DNAAF4: variants seen among roughly 807,000 people sequenced by gnomAD.
DNAAF4 encodes the protein dynein assembly factor 4, axonemal.
A neutral mutation model predicts 51.8 loss-of-function variants in DNAAF4; 43 were observed. The ratio of observed to expected loss-of-function variants is 0.83; its 90% CI spans 0.65 to 1.07. The LOEUF is 1.07. DNAAF4 is among the 50% of genes least tolerant of loss of function. The pLI is 0.00. For synonymous variants in DNAAF4, 194 were observed against 165.6 expected, an observed-to-expected ratio of 1.17 and a Z score of -1.32; for missense variants, 581 against 493.0, an observed-to-expected ratio of 1.18 and a Z score of -1.69.
At position 55,443,262 on chromosome 15, in the gene DNAAF4, G is replaced by A. The variant is rs562429514; in HGVS notation, c.784-3681C>T. 313 of 1,587,068 alleles carry A rather than the reference G, an allele frequency of 2.0e-4. 2 individuals are homozygous for A. The highest frequency in any genetic ancestry group is 1.0e-3 in the Middle Eastern group (6 of 5,992). ...CCTCAGAAGAAAATGACCTCAGCGCGGGTTGCGGCTCACTACCCGGCAGGC... is the reference window on the plus strand; with the variant it reads ...CCTCAGAAGAAAATGACCTCAGCGCAGGTTGCGGCTCACTACCCGGCAGGC... On this transcript the variant is annotated intron_variant, in intron 6 of 9. Transcript: ENST00000321149.
chr15:55,432,958 C>T (rs563642545), intron 8 of DNAAF4, among the ~76,000 whole-genome samples: 43 of 150,704 alleles, frequency 2.9e-4, no homozygotes, highest in Non-Finnish European at 5.8e-4. Flanking sequence ...TCAAAAAAAA[C>T]AAAAACAAAA....
intron 4 of DNAAF4, among the ~76,000 whole-genome samples, chr15:55,489,255 A>T (rs892762803): frequency 6.6e-6 from 1 of 152,164 alleles, no homozygotes; most frequent in African/African-American, 2.4e-5. Context: ...TAATTTTTTT[A>T]AATTCATGAA....
At chr15:55,508,035 C>A (rs1417996201) in intron 1 of DNAAF4, 87 bp downstream of exon 1, 1 of 152,020 alleles carries the variant, frequency 6.6e-6, no homozygotes, top group African/African-American at 2.4e-5. Flanking sequence ...GTGTTTTATC[C>A]AGCCTACCAG....
intron 4 of DNAAF4, among the ~76,000 whole-genome samples, chr15:55,474,465 C>T (rs1390353592): frequency 1.3e-5 from 2 of 151,586 alleles, no homozygotes; most frequent in African/African-American, 2.4e-5. Context: ...ACCCAGAAGA[C>T]GGAGGTTGCA....
chr15:55,476,926 T>C (rs1018975911), intron 4 of DNAAF4, among the ~76,000 whole-genome samples: 2 of 152,158 alleles, frequency 1.3e-5, no homozygotes, highest in Non-Finnish European at 2.9e-5. Flanking sequence ...ATCCCCGAAC[T>C]TTGGGAGGCC....
chr15:55,473,999 T>A (rs1163652643), intron 4 of DNAAF4, among the ~76,000 whole-genome samples: 1 of 150,890 alleles, frequency 6.6e-6, no homozygotes, highest in Admixed American at 6.6e-5. Context: ...CTCAAAAAAA[T>A]AAAAATAAAA....
At chr15:55,478,825 G>A (rs1177463559) in intron 4 of DNAAF4, among the ~76,000 whole-genome samples, 2 of 151,946 alleles carry the variant, frequency 1.3e-5, no homozygotes, top group African/African-American at 2.4e-5. Context: ...GCCCAATATC[G>A]ATGCACACAG....
intron 8 of DNAAF4, among the ~76,000 whole-genome samples, chr15:55,434,554 C>T (rs8043115): frequency 0.22 from 32,718 of 151,932 alleles, 4,444 homozygotes; most frequent in Non-Finnish European, 0.3. Flanking sequence ...GGCTGGGTGC[C>T]GGGCGCGGTG....
At chr15:55,448,576 A>C (rs1193111213) in intron 6 of DNAAF4, among the ~76,000 whole-genome samples, 1 of 147,892 alleles carries the variant, frequency 6.8e-6, no homozygotes, top group Non-Finnish European at 1.5e-5. Context: ...ACAATTCAAA[A>C]ATAATTCTAT....
Position 55,491,226 on chromosome 15 carries a change from T to C in DNAAF4, c.302A>G (p.Glu101Gly). 3 of 1,613,490 alleles carry C rather than the reference T, an allele frequency of 1.9e-6. No homozygotes were observed. Among genetic ancestry groups the C allele is most frequent in the Non-Finnish European group, 1.7e-6 (2 of 1,179,820 alleles). Residue 101 changes from glutamate (E) to glycine (G), a missense_variant, in exon 4 of 10, where the codon GAA becomes GGA. Glu to Gly is a moderately conservative substitution (Grantham distance 98). Transcript: ENST00000321149. ...CTCTTGTGCTTGTAAAATAGATTTTTCTCTAATTCTTTGCATCATCTCTTT... is the reference window on the plus strand; with the variant it reads ...CTCTTGTGCTTGTAAAATAGATTTTCCTCTAATTCTTTGCATCATCTCTTT... ...VDKEMMQRIR[E>G]KSILQAQERA...
Position 55,499,378 on chromosome 15 carries a change from C to G in DNAAF4, c.-255-794G>C, listed in dbSNP as rs182868411. Among the ~76,000 whole-genome samples the G allele has an allele frequency of 3.9e-5, 6 of 152,280 alleles. No individual in the cohort carries two copies. The East Asian group carries it at 9.6e-4, about 24-fold the overall frequency. Reference sequence around the variant, plus strand: ...CAGAACTAAGTGCGGTTCAATCGTTCATTTGTATAAACGAACCTGACTGGG... The same window carrying G: ...CAGAACTAAGTGCGGTTCAATCGTTGATTTGTATAAACGAACCTGACTGGG... On this transcript the variant is annotated intron_variant, in intron 1 of 9. Coordinates refer to ENST00000321149, the MANE Select transcript of DNAAF4 (RefSeq NM_130810.4).
At chr15:55,504,584 A>C (rs1251353182) in intron 1 of DNAAF4, among the ~76,000 whole-genome samples, 2 of 152,206 alleles carry the variant, frequency 1.3e-5, no homozygotes, top group African/African-American at 4.8e-5. Flanking sequence ...ATATAGACCA[A>C]TGGAACAGAA....
chr15:55,443,495 C>T (rs1317415464), intron 6 of DNAAF4: 5 of 507,730 alleles, frequency 9.8e-6, no homozygotes, highest in African/African-American at 5.8e-5. Context: ...GTGAATAGTG[C>T]TGCAATAAAC....
rs139981566 is a variant in DNAAF4 at position 55,476,062 on chromosome 15, A to G, written c.406-8901T>C. Among the ~76,000 whole-genome samples, 220 of 152,356 alleles carry G rather than the reference A, an allele frequency of 1.4e-3. 1 individual carries two copies. The highest frequency in any genetic ancestry group is 2.3e-3 in the Non-Finnish European group (157 of 68,034). On this transcript the variant is annotated intron_variant, in intron 4 of 9. Coordinates refer to ENST00000321149, the MANE Select transcript of DNAAF4 (RefSeq NM_130810.4). ...AACAGAACTATAAACCACAAATTCT[A>G]TATTTAGCAAAACTATTCTTCACAA...
intron 6 of DNAAF4, among the ~76,000 whole-genome samples, chr15:55,444,450 TGTA>T (rs753771043): frequency 8.5e-5 from 13 of 152,224 alleles, no homozygotes; most frequent in Non-Finnish European, 1.5e-4. Flanking sequence ...ACTGTAGCCT[TGTA>T]GTGTAGTTTG....
chr15:55,423,341 A>G (rs550739868), intron 7 of DNAAF4, among the ~76,000 whole-genome samples: 1 of 152,106 alleles, frequency 6.6e-6, no homozygotes, highest in African/African-American at 2.4e-5. Flanking sequence ...CCAAGTAGCT[A>G]GGACTACAGT....
chr15:55,422,439 T>C (rs1270400043), intron 7 of DNAAF4, among the ~76,000 whole-genome samples: 1 of 152,118 alleles, frequency 6.6e-6, no homozygotes, highest in Non-Finnish European at 1.5e-5. Context: ...AAAGTGTAGG[T>C]AGAAAACAGA....
intron 7 of DNAAF4, among the ~76,000 whole-genome samples, chr15:55,423,545 G>C (rs946171995): frequency 5.9e-5 from 9 of 152,152 alleles, no homozygotes; most frequent in Non-Finnish European, 1.0e-4. Flanking sequence ...ATGCTGACCA[G>C]AGTATTTGTA....
In DNAAF4 at chr15:55,497,861, T is replaced by G. The variant is rs1468694591; in HGVS notation, c.124-2A>C. ...AAATAAAAATGGAGGAAAGTTGACC[T>G]ATGCAGAAGGGTGAAAACAGAAACT... On this transcript the variant is annotated splice_acceptor_variant, in intron 2 of 9. Coordinates refer to ENST00000321149, the MANE Select transcript of DNAAF4 (RefSeq NM_130810.4). LOFTEE classifies it high-confidence loss of function. The G allele has an allele frequency of 6.3e-7, 1 of 1,594,256 alleles. No homozygotes were observed. Among genetic ancestry groups the G allele is most frequent in the East Asian group, 2.2e-5 (1 of 44,628 alleles).
Sources: allele counts gnomAD v4.1 joint callset (sites outside exome capture counted in the v4.1 genomes callset), GRCh38; gene constraint gnomAD v4.1.1; transcripts MANE v1.5; gene names NCBI Gene and HGNC (gene_info 2026-07-23, HGNC 2026-07-21).